Variants in CNBD1 observed in about 807,000 individuals in gnomAD.
CNBD1 encodes cyclic nucleotide binding domain containing 1, also known as cyclic nucleotide-binding domain-containing protein 1.
A neutral mutation model predicts 54.4 loss-of-function variants in CNBD1; 71 were observed. The observed-to-expected ratio is 1.30, with a 90% CI of 1.08 to 1.59. The LOEUF is 1.59. CNBD1 is among the 40% of genes most tolerant of loss of function. The pLI, the probability that CNBD1 is intolerant of heterozygous loss-of-function variation, is 0.00. For synonymous variants in CNBD1, 182 were observed against 170.7 expected (o/e 1.07, Z -0.51); for missense variants, 659 against 518.0 (o/e 1.27, Z -2.64).
intron 5 of CNBD1, among the ~76,000 whole-genome samples, chr8:87,229,385 A>T: frequency 6.6e-6 from 1 of 152,080 alleles, no homozygotes; most frequent in Non-Finnish European, 1.5e-5. Flanking sequence ...ACAGGTTAAA[A>T]ATTTCAAATG....
chr8:87,186,439 G>T (rs1405044763), intron 4 of CNBD1, among the ~76,000 whole-genome samples: 1 of 151,946 alleles, frequency 6.6e-6, no homozygotes, highest in African/African-American at 2.4e-5. Context: ...CATCATTCCA[G>T]CTCCATTCTC....
intron 6 of CNBD1, among the ~76,000 whole-genome samples, chr8:87,274,613 G>A (rs1337662293): frequency 2.9e-5 from 4 of 138,518 alleles, no homozygotes; most frequent in African/African-American, 1.2e-4. Context: ...TTTTGATGGG[G>A]TTGTTTGTTT....
At chr8:87,234,738 A>T (rs987003374) in intron 5 of CNBD1, among the ~76,000 whole-genome samples, 6 of 152,186 alleles carry the variant, frequency 3.9e-5, no homozygotes, top group African/African-American at 1.4e-4. Context: ...CTTCAACTTA[A>T]TGTCACCAGC....
At chr8:87,360,911 A>G (rs1810512695) in intron 10 of CNBD1, among the ~76,000 whole-genome samples, 1 of 151,904 alleles carries the variant, frequency 6.6e-6, no homozygotes, top group African/African-American at 2.4e-5. Context: ...TTTACTGCAG[A>G]TATATCTGTT....
At chr8:87,262,500 C>T (rs1418812791) in intron 6 of CNBD1, among the ~76,000 whole-genome samples, 3 of 152,058 alleles carry the variant, frequency 2.0e-5, no homozygotes, top group African/African-American at 7.2e-5. Flanking sequence ...TGTGGGCAGC[C>T]AACATCCAAT....
chr8:87,425,806 A>G (rs1360692783), intron 2 of CNBD1, among the ~76,000 whole-genome samples: 1 of 152,060 alleles, frequency 6.6e-6, no homozygotes, highest in Non-Finnish European at 1.5e-5. Flanking sequence ...GGTGGAGCCT[A>G]CAGAGGCAGG....
chr8:87,366,381 C>T (rs1234352701), intron 10 of CNBD1, among the ~76,000 whole-genome samples: 2 of 152,020 alleles, frequency 1.3e-5, no homozygotes, highest in Non-Finnish European at 2.9e-5. Context: ...GGGTCACTCT[C>T]AGCCATCAGA....
At chr8:87,422,667 G>A (rs1289322530) in intron 2 of CNBD1, among the ~76,000 whole-genome samples, 1 of 152,098 alleles carries the variant, frequency 6.6e-6, no homozygotes, top group African/African-American at 2.4e-5. Context: ...TGCTGTTTTG[G>A]TTACTGTAGC....
intron 2 of CNBD1, among the ~76,000 whole-genome samples, chr8:87,426,154 G>A (rs1808044660): frequency 6.6e-6 from 1 of 152,212 alleles, no homozygotes; most frequent in Non-Finnish European, 1.5e-5. Context: ...CCTGAGTGAG[G>A]CAATGCCTCG....
chr8:87,041,382 G>A (rs1810064895), intron 4 of CNBD1, among the ~76,000 whole-genome samples: 1 of 152,152 alleles, frequency 6.6e-6, no homozygotes, highest in Non-Finnish European at 1.5e-5. Context: ...GTCTCAGGCA[G>A]AAACTAGGTT....
At chr8:87,386,596 A>G (rs767533309), downstream of CNBD1, among the ~76,000 whole-genome samples, 5 of 152,212 alleles carry the variant, frequency 3.3e-5, no homozygotes, top group Admixed American at 1.3e-4. Context: ...TCCAAGAAAT[A>G]TGGGACTATG....
At chr8:87,096,125 T>C (rs926465197) in intron 4 of CNBD1, among the ~76,000 whole-genome samples, 1 of 152,160 alleles carries the variant, frequency 6.6e-6, no homozygotes, top group African/African-American at 2.4e-5. Context: ...TTGTAGGAAA[T>C]GAAACACAGT....
chr8:87,046,276 A>G (rs1023010253), intron 4 of CNBD1, among the ~76,000 whole-genome samples: 1 of 152,180 alleles, frequency 6.6e-6, no homozygotes, highest in Non-Finnish European at 1.5e-5. Flanking sequence ...GCCTCTGGCT[A>G]TAGCATGTCC....
At chr8:87,312,500 G>A (rs1326466318) in intron 8 of CNBD1, among the ~76,000 whole-genome samples, 1 of 152,038 alleles carries the variant, frequency 6.6e-6, no homozygotes, top group Non-Finnish European at 1.5e-5. Flanking sequence ...CAGATCCTGT[G>A]AAATATAGTG....
intron 4 of CNBD1, among the ~76,000 whole-genome samples, chr8:87,057,769 A>G (rs1232095710): frequency 6.6e-6 from 1 of 152,094 alleles, no homozygotes; most frequent in African/African-American, 2.4e-5. Flanking sequence ...GAATCACTTG[A>G]ACCTGGGAGA....
At chr8:86,987,381 G>C (rs756933087) in intron 4 of CNBD1, among the ~76,000 whole-genome samples, 1 of 152,130 alleles carries the variant, frequency 6.6e-6, no homozygotes, top group Non-Finnish European at 1.5e-5. Flanking sequence ...TACTGAAGTT[G>C]TTTATCAGTT....
intron 4 of CNBD1, among the ~76,000 whole-genome samples, chr8:87,133,064 A>T (rs941674977): frequency 6.6e-6 from 1 of 151,364 alleles, no homozygotes; most frequent in Non-Finnish European, 1.5e-5. Flanking sequence ...TTAAAAAATG[A>T]TCTTATACTT....
At chr8:87,175,411 A>G (rs1813176957) in intron 4 of CNBD1, among the ~76,000 whole-genome samples, 1 of 152,104 alleles carries the variant, frequency 6.6e-6, no homozygotes, top group Non-Finnish European at 1.5e-5. Flanking sequence ...CTGCCTGGGT[A>G]TTATTGCTGC....
chr8:87,262,481 C>T (rs1199022892), intron 6 of CNBD1, among the ~76,000 whole-genome samples: 1 of 152,126 alleles, frequency 6.6e-6, no homozygotes, highest in Admixed American at 6.6e-5. Context: ...AGAAGATCAC[C>T]TTCACCAATG....
Sources: gnomAD v4.1 joint callset for allele counts (sites outside exome capture counted in the v4.1 genomes callset) on GRCh38, gnomAD v4.1.1 for gene constraint, MANE v1.5 for transcripts, NCBI Gene and HGNC (gene_info 2026-07-23, HGNC 2026-07-21) for gene names.